Variants in SP110 observed in about 807,000 individuals in gnomAD.
The protein encoded by SP110 is SP110 nuclear body protein.
In SP110, 62 loss-of-function variants were observed where a neutral mutation model predicts 92.7. The observed-to-expected ratio is 0.67, with a 90% CI of 0.55 to 0.83. SP110 has a LOEUF of 0.83. Ranked by LOEUF, SP110 falls within the 40% of genes least tolerant of loss-of-function variation. The probability of loss-of-function intolerance (pLI) is 0.00; values close to 1 mark genes in which losing one functional copy is unlikely to be tolerated. For synonymous variants in SP110, 273 were observed against 305.3 expected, an observed-to-expected ratio of 0.89 and a Z score of 1.10; for missense variants, 793 against 863.9, an observed-to-expected ratio of 0.92 and a Z score of 1.03.
intron 14 of SP110, chr2:230,176,635 C>T (rs755596947): frequency 1.2e-6 from 2 of 1,613,954 alleles, no homozygotes; most frequent in South Asian, 1.1e-5. Context: ...GGAAAGTCTG[C>T]AACATGGTGA....
chr2:230,184,265 T>C (rs2042256314), intron 11 of SP110, among the ~76,000 whole-genome samples: 1 of 152,328 alleles, frequency 6.6e-6, no homozygotes, highest in East Asian at 1.9e-4. Flanking sequence ...AAACTGCTTA[T>C]AAAGGGGGGC....
At chr2:230,180,875 T>C (rs1201589876) in intron 12 of SP110, among the ~76,000 whole-genome samples, 1 of 152,196 alleles carries the variant, frequency 6.6e-6, no homozygotes, top group African/African-American at 2.4e-5. Flanking sequence ...ACATTTTTAG[T>C]GTAAAGGAAA....
chr2:230,190,843 G>T (rs755698218), intron 10 of SP110, among the ~76,000 whole-genome samples: 15 of 152,116 alleles, frequency 9.9e-5, no homozygotes, highest in Non-Finnish European at 1.8e-4. Context: ...TTTTTGTCAG[G>T]TTTGTTGAAG....
At chr2:230,209,136 A>G (rs1450531060) in intron 7 of SP110, among the ~76,000 whole-genome samples, 1 of 152,070 alleles carries the variant, frequency 6.6e-6, no homozygotes. Context: ...ATAAAAGGAG[A>G]AAAGCTCAAG....
intron 6 of SP110, among the ~76,000 whole-genome samples, chr2:230,210,415 T>G (rs2044340130): frequency 1.3e-5 from 2 of 152,232 alleles, no homozygotes; most frequent in Non-Finnish European, 2.9e-5. Flanking sequence ...GTGGTGATAT[T>G]GAAATCTGAT....
At chr2:230,200,811 G>A in intron 10 of SP110, 74 bp downstream of exon 10, 2 of 1,119,394 alleles carry the variant, frequency 1.8e-6, no homozygotes, top group Non-Finnish European at 1.4e-6. Flanking sequence ...AAGAAATATT[G>A]CCTCAGTGTA....
chr2:230,198,995 A>G (rs974606392), intron 10 of SP110, among the ~76,000 whole-genome samples: 7 of 151,950 alleles, frequency 4.6e-5, no homozygotes, highest in Non-Finnish European at 1.0e-4. Context: ...CTGGACCTCA[A>G]TAAAGGGGAT....
rs1361352279 is a variant in SP110 at position 230,166,764 on chromosome 2, G to C, written c.*2360C>G. 6.6e-6 allele frequency among the ~76,000 whole-genome samples: 1 copy of C among 152,222 alleles called. No individual in the cohort carries two copies. The highest frequency in any genetic ancestry group is 1.5e-5 in the Non-Finnish European group (1 of 68,036). Reference sequence around the variant, plus strand: ...ATACAGAACCGAGGAAGACAAGGAAGAAGCCTGTGGGGTAGGATGGGATGG... The same window carrying C: ...ATACAGAACCGAGGAAGACAAGGAACAAGCCTGTGGGGTAGGATGGGATGG... On this transcript the variant is annotated 3_prime_UTR_variant, in exon 19 of 19. Coordinates refer to ENST00000258381, the MANE Select transcript of SP110 (RefSeq NM_080424.4).
chr2:230,194,935 G>A (rs1239742437), intron 10 of SP110, among the ~76,000 whole-genome samples: 2 of 152,092 alleles, frequency 1.3e-5, no homozygotes, highest in African/African-American at 4.8e-5. Context: ...ACAAGGTTGG[G>A]GCTGGCTGTG....
chr2:230,189,326 C>T (rs1012473478), intron 10 of SP110, among the ~76,000 whole-genome samples: 2 of 152,076 alleles, frequency 1.3e-5, no homozygotes, highest in Non-Finnish European at 2.9e-5. Flanking sequence ...GCGCTATGAA[C>T]TTTCCTCTTA....
In SP110 at chr2:230,225,125, G is replaced by A. The variant is rs150752028; in HGVS notation, c.-64+410C>T. Among the ~76,000 whole-genome samples the A allele has an allele frequency of 5.4e-3, 815 of 152,282 alleles. 17 individuals are homozygous for A. Among genetic ancestry groups the A allele is most frequent in the Admixed American group, 0.03 (454 of 15,302 alleles). ...GTGAGAAGGCTGTCACTCTCCTCAA[G>A]ATTTCAGTGAAATGGTTGAAGCTCA... On this transcript the variant is annotated intron_variant, in intron 1 of 15. Transcript: ENST00000540870.
At chr2:230,187,052 C>A (rs745588174) in intron 10 of SP110, among the ~76,000 whole-genome samples, 1 of 152,060 alleles carries the variant, frequency 6.6e-6, no homozygotes, top group Non-Finnish European at 1.5e-5. Context: ...GGTAGATCTA[C>A]TTTTAGTTAT....
chr2:230,169,529 C>T (rs930565957), intron 18 of SP110, among the ~76,000 whole-genome samples: 2 of 152,104 alleles, frequency 1.3e-5, no homozygotes, highest in African/African-American at 4.8e-5. Context: ...TGCTATGTTG[C>T]TCAGGCTGGT....
chr2:230,206,120 C>T (rs1437350983), intron 8 of SP110, among the ~76,000 whole-genome samples: 1 of 152,152 alleles, frequency 6.6e-6, no homozygotes. Context: ...TGGGATCATA[C>T]TAATGATAAA....
chr2:230,203,865 TG>T (rs1017225495), intron 8 of SP110, among the ~76,000 whole-genome samples: 1 of 152,168 alleles, frequency 6.6e-6, no homozygotes, highest in African/African-American at 2.4e-5. Context: ...AGTTGTTTAA[TG>T]GGTACAGGGT....
At position 230,177,815 on chromosome 2, in the gene SP110, G is replaced by A. The variant is rs1044226179; in HGVS notation, c.1448-135C>T. 6 of 997,264 alleles carry A rather than the reference G, an allele frequency of 6.0e-6. No individual in the cohort carries two copies. In the African/African-American group the frequency reaches 7.9e-5, roughly 13 times the overall value. 61.8% of individuals were successfully genotyped at this position (997,264 alleles called of 1,614,324 possible). A position where few individuals can be genotyped will look rare whatever the true frequency, so the allele number is the denominator to read the frequency against. On this transcript the variant is annotated intron_variant, in intron 13 of 18. Coordinates refer to ENST00000258381, the MANE Select transcript of SP110 (RefSeq NM_080424.4). ...TCTGTGAGGTGGAAGGAGTAGCAGGGGAGTCTGCGGGCCTCTTCTCTTGGA... is the reference window on the plus strand; with the variant it reads ...TCTGTGAGGTGGAAGGAGTAGCAGGAGAGTCTGCGGGCCTCTTCTCTTGGA...
At chr2:230,172,629 G>A in intron 15 of SP110, 2 of 576,634 alleles carry the variant, frequency 3.5e-6, no homozygotes, top group Non-Finnish European at 3.1e-6. Flanking sequence ...AGTCCCTGCT[G>A]TCCAGGGAAT....
In SP110 at chr2:230,170,744, C is replaced by A; in HGVS notation, c.1905G>T (p.Glu635Asp). The stretch of plus-strand genomic sequence containing the variant: ...CCAACCACATTGCTTCCTGAAAGGG[C>A]TCACCGTAATCTCGAATCTTGGGGA... Reference protein sequence around the residue: ...GIPFNIRDYGEPFQEAMWLDL... With the variant: ...GIPFNIRDYGDPFQEAMWLDL... The change falls in exon 18 of 19, where the codon GAG becomes GAT. Residue 635 changes from glutamate (E) to aspartate (D), a missense_variant. Glu to Asp is a conservative substitution (Grantham distance 45). Transcript: ENST00000258381. 6.2e-7 allele frequency: 1 copy of A among 1,614,112 alleles called. No individual in the cohort carries two copies. The highest frequency in any genetic ancestry group is 8.5e-7 in the Non-Finnish European group (1 of 1,180,024).
intron 12 of SP110, among the ~76,000 whole-genome samples, chr2:230,178,554 A>C (rs957682): frequency 0.38 from 57,063 of 151,790 alleles, 11,144 homozygotes; most frequent in Non-Finnish European, 0.43. Flanking sequence ...ATAGTCTTCT[A>C]TTCTATAAGC....
Sources: allele counts gnomAD v4.1 joint callset (sites outside exome capture counted in the v4.1 genomes callset), GRCh38; gene constraint gnomAD v4.1.1; transcripts MANE v1.5; gene names NCBI Gene and HGNC (gene_info 2026-07-23, HGNC 2026-07-21).